ARHGEF37: variants seen among roughly 807,000 people sequenced by gnomAD.
The protein encoded by ARHGEF37 is Rho guanine nucleotide exchange factor 37, also known as Rho guanine nucleotide exchange factor (GEF) 37.
A neutral mutation model predicts 71.1 loss-of-function variants in ARHGEF37; 55 were observed. The observed-to-expected ratio is 0.77, with a 90% CI of 0.62 to 0.97. The LOEUF is 0.97. ARHGEF37 is among the 50% of genes least tolerant of loss of function. ARHGEF37 has a pLI of 0.00. For missense variants in ARHGEF37, 765 were observed against 836.8 expected, an observed-to-expected ratio of 0.91 and a Z score of 1.06; for synonymous variants, 327 against 350.6, an observed-to-expected ratio of 0.93 and a Z score of 0.75.
At chr5:149,588,818 T>A (rs995087889) in intron 1 of ARHGEF37, among the ~76,000 whole-genome samples, 2 of 152,352 alleles carry the variant, frequency 1.3e-5, no homozygotes, top group Middle Eastern at 3.4e-3. Context: ...GGCAGCTAGC[T>A]GATGGATCCT....
upstream of ARHGEF37, among the ~76,000 whole-genome samples, chr5:149,577,923 A>C (rs1763044264): frequency 6.6e-6 from 1 of 152,258 alleles, no homozygotes; most frequent in Admixed American, 6.5e-5. Flanking sequence ...AAGTTTATTC[A>C]GTAAATTTTA....
In ARHGEF37 at chr5:149,597,797, T is replaced by A. The variant is rs753993384; in HGVS notation, c.28T>A (p.Ser10Thr). The A allele has an allele frequency of 2.0e-5, 32 of 1,570,688 alleles. 1 individual carries two copies. In the Admixed American group the frequency reaches 2.4e-4, roughly 12 times the overall value. ...GGCCAAGCATGGAGCCGACGAGCCA[T>A]CCTCCAGGTCAGGGAGTCCGGACAG... MAKHGADEPSSRSGSPDREG... is the reference protein window; with the variant it reads MAKHGADEPTSRSGSPDREG... The change falls in exon 2 of 13, where the codon TCC becomes ACC. Residue 10 changes from serine to threonine, a missense_variant. Ser to Thr is a moderately conservative substitution (Grantham distance 58). Around this residue, in one of 5 missense-constraint regions of ARHGEF37, gnomAD observed 201 missense variants for 217.5 expected, o/e 0.92. Transcript: ENST00000333677.
At chr5:149,593,683 T>G (rs2113294171) in intron 1 of ARHGEF37, among the ~76,000 whole-genome samples, 1 of 152,364 alleles carries the variant, frequency 6.6e-6, no homozygotes, top group Admixed American at 6.5e-5. Context: ...TATACTGTAT[T>G]CTTAAAGTAA....
intron 4 of ARHGEF37, among the ~76,000 whole-genome samples, chr5:149,614,148 A>G (rs1371827112): frequency 1.3e-5 from 2 of 151,930 alleles, no homozygotes; most frequent in Non-Finnish European, 2.9e-5. Flanking sequence ...ATTGAAGCAT[A>G]TTTGGGTTGT....
In ARHGEF37 at chr5:149,575,108, T is replaced by C. The variant is rs1763011155; in HGVS notation, c.-11-22651T>C. Among the ~76,000 whole-genome samples the C allele has an allele frequency of 2.0e-5, 3 of 152,214 alleles. No individual in the cohort carries two copies. In the South Asian group the frequency reaches 6.2e-4, roughly 31 times the overall value. On this transcript the variant is annotated intron_variant, in intron 1 of 2. Coordinates refer to the ARHGEF37 transcript ENST00000505810. ...CCTCATGATCTGGTGCCTGCTTATG[T>C]CTCCAGTCTTGTCTGTCACTGAACA...
rs531045351 is a variant in ARHGEF37, at chr5:149,618,168, C to T, written c.659-8C>T. ...TCACCGTGCTTCCCCTCTTCTCTGT[C>T]GTTGCAGCCTCCAAGTACACCAAGG... On this transcript the variant is annotated splice_polypyrimidine_tract_variant and splice_region_variant and intron_variant, in intron 5 of 12. Transcript: ENST00000333677. 9 of 1,613,950 alleles carry T rather than the reference C, an allele frequency of 5.6e-6. No homozygotes were observed. The highest frequency in any genetic ancestry group is 4.0e-5 in the African/African-American group (3 of 75,058).
Position 149,591,241 on chromosome 5 carries a change from A to G in ARHGEF37, c.-11-6518A>G, listed in dbSNP as rs879290166. 2.7e-3 allele frequency among the ~76,000 whole-genome samples: 397 copies of G among 144,384 alleles called. 1 individual carries two copies. The highest frequency in any genetic ancestry group is 4.7e-3 in the Non-Finnish European group (308 of 65,866). The allele number at this position is 144,384 out of a possible 152,430, so 94.7% of individuals were successfully genotyped here. On this transcript the variant is annotated intron_variant, in intron 1 of 12. Coordinates refer to ENST00000333677, the MANE Select transcript of ARHGEF37 (RefSeq NM_001001669.3). ...TGTTCCATCTCAAAAAAAAAAAAAA[A>G]GTTGAATGTTCCAGAGTTAATACTT...
intron 1 of ARHGEF37, among the ~76,000 whole-genome samples, chr5:149,565,820 G>C (rs1364451708): frequency 1.7e-5 from 2 of 116,250 alleles, no homozygotes; most frequent in Non-Finnish European, 3.7e-5. Flanking sequence ...TGTAATGTCA[G>C]AAACTCTAAT....
intron 3 of ARHGEF37, among the ~76,000 whole-genome samples, chr5:149,605,986 G>A (rs551004298): frequency 6.6e-6 from 1 of 152,312 alleles, no homozygotes; most frequent in East Asian, 1.9e-4. Flanking sequence ...AGGACAAGCA[G>A]GGAGGAAACA....
intron 6 of ARHGEF37, among the ~76,000 whole-genome samples, chr5:149,618,510 C>G (rs1752443091): frequency 6.6e-6 from 1 of 152,196 alleles, no homozygotes; most frequent in South Asian, 2.1e-4. Context: ...TTGGGCCACT[C>G]TCTTTGGGGC....
chr5:149,565,829 A>ATTTTTTTTTTTTTTTTTTTTTTTTTTT (rs201683478), intron 1 of ARHGEF37, among the ~76,000 whole-genome samples: 2 of 84,580 alleles, frequency 2.4e-5, no homozygotes, highest in Non-Finnish European at 2.7e-5. Flanking sequence ...AGAAACTCTA[A>ATTTTTTTTTTTTTTTTTTTTTTTTTTT]TTTTTTTTTT....
intron 12 of ARHGEF37, 45 bp downstream of exon 12, chr5:149,629,011 C>A: frequency 6.3e-7 from 1 of 1,575,288 alleles, no homozygotes; most frequent in Non-Finnish European, 8.6e-7. Flanking sequence ...ATCGGCCATC[C>A]GGACTGTGGC....
chr5:149,620,477 T>C lies in ARHGEF37; in HGVS notation c.1005+13T>C, dbSNP rs1273058683. ...CTTCCTGAAATTTGTGAGTGGAACC[T>C]TTCCTTTCTCCTTTCTTTGTTAGGC... On this transcript the variant is annotated intron_variant, in intron 8 of 12. Transcript: ENST00000333677. 1.3e-6 allele frequency: 2 copies of C among 1,561,674 alleles called. No individual in the cohort carries two copies. Among genetic ancestry groups the C allele is most frequent in the East Asian group, 4.5e-5 (2 of 44,146 alleles).
chr5:149,598,433 T>C (rs952285359), intron 2 of ARHGEF37, among the ~76,000 whole-genome samples: 2 of 148,306 alleles, frequency 1.3e-5, no homozygotes, highest in Non-Finnish European at 3.0e-5. Flanking sequence ...TCCTTCTCCT[T>C]CTTCTCCTTC....
chr5:149,611,988 G>A (rs1007400934), intron 4 of ARHGEF37, among the ~76,000 whole-genome samples: 9 of 152,276 alleles, frequency 5.9e-5, no homozygotes, highest in African/African-American at 2.2e-4. Flanking sequence ...GTGTGCATAT[G>A]CTTGGACACC....
At chr5:149,568,811 CAAAA>C (rs748620450) in intron 1 of ARHGEF37, among the ~76,000 whole-genome samples, 1 of 57,390 alleles carries the variant, frequency 1.7e-5, no homozygotes, top group Non-Finnish European at 4.0e-5. Flanking sequence ...GACTCCATCT[CAAAA>C]AAAAAAAAAA....
chr5:149,552,263 G>A, intron 1 of ARHGEF37: 1 of 128,082 alleles, frequency 7.8e-6, no homozygotes, highest in African/African-American at 2.9e-5. Context: ...TGTTGGTCTT[G>A]TTGAAAACCT....
At chr5:149,627,708 C>A (rs1337820183) in intron 11 of ARHGEF37, among the ~76,000 whole-genome samples, 5 of 152,196 alleles carry the variant, frequency 3.3e-5, no homozygotes, top group South Asian at 2.1e-4. Context: ...TCATCCTGCC[C>A]ACTCCATACT....
chr5:149,601,077 C>T (rs1445185934), intron 2 of ARHGEF37, 31 bp from the exon 3 acceptor site: 1 of 1,598,482 alleles, frequency 6.3e-7, no homozygotes, highest in African/African-American at 1.3e-5. Flanking sequence ...GAACTCCCAA[C>T]CACCTCTCAT....
Sources: gnomAD v4.1 joint callset for allele counts (sites outside exome capture counted in the v4.1 genomes callset) on GRCh38, gnomAD v4.1.1 for gene constraint, gnomAD v4.1.1 regional missense constraint, MANE v1.5 for transcripts, NCBI Gene and HGNC (gene_info 2026-07-23, HGNC 2026-07-21) for gene names.